Variants in PSD observed in about 807,000 individuals in gnomAD.
The protein encoded by PSD is PH and SEC7 domain-containing protein 1.
Under a neutral mutation model 91.6 loss-of-function variants are expected in PSD, and 32 were observed. That is an observed-to-expected ratio of 0.35 (90% CI 0.26 to 0.47). The LOEUF (loss-of-function observed/expected upper bound fraction) is 0.47. Among genes scored for constraint, PSD ranks in the 20% least tolerant of loss-of-function variants. The pLI, the probability that PSD is intolerant of heterozygous loss-of-function variation, is 1.00. For synonymous variants in PSD, 532 were observed against 569.3 expected, an observed-to-expected ratio of 0.93 and a Z score of 0.93; for missense variants, 1,099 against 1,373.9, an observed-to-expected ratio of 0.80 and a Z score of 3.16.
At position 102,414,250 on chromosome 10, in the gene PSD, C is replaced by G. The variant is rs1192892388; in HGVS notation, c.1125-53G>C. On this transcript the variant is annotated intron_variant, in intron 4 of 16. Transcript: ENST00000020673. The surrounding 1 kb of genome is among the most constrained non-coding windows in gnomAD (Gnocchi z 5.6). ...AGGGGCCCAGATCACAGGGCTGGGG[C>G]AGGATTTCACTGAACTCTCACACTG... 7.5e-6 allele frequency: 11 copies of G among 1,464,284 alleles called. No individual in the cohort carries two copies. Among genetic ancestry groups the G allele is most frequent in the Non-Finnish European group, 1.0e-5 (11 of 1,074,518 alleles). 90.7% of individuals were successfully genotyped at this position (1,464,284 alleles called of 1,614,324 possible).
At position 102,403,671 on chromosome 10, in the gene PSD, C is replaced by T. The variant is rs1392606179; in HGVS notation, c.2844+171G>A. On this transcript the variant is annotated intron_variant, in intron 16 of 16. Coordinates refer to ENST00000020673, the MANE Select transcript of PSD (RefSeq NM_002779.5). The surrounding 1 kb of genome is among the most constrained non-coding windows in gnomAD (Gnocchi z 6.7). Reference sequence around the variant, plus strand: ...GGCACGCTTGAGACATGCCTCACCTCGAGACCCCAGTGGATGTCAAATGTT... The same window carrying T: ...GGCACGCTTGAGACATGCCTCACCTTGAGACCCCAGTGGATGTCAAATGTT... Among the ~76,000 whole-genome samples the T allele has an allele frequency of 6.6e-6, 1 of 152,144 alleles. No homozygotes were observed. Among genetic ancestry groups the T allele is most frequent in the Admixed American group, 6.5e-5 (1 of 15,284 alleles).
At chr10:102,407,790 C>G (rs1418715618) in intron 10 of PSD, among the ~76,000 whole-genome samples, 2 of 152,172 alleles carry the variant, frequency 1.3e-5, no homozygotes, top group African/African-American at 4.8e-5. Context: ...AATACACTAT[C>G]ATGGCTCCCA....
rs1452383198 is a variant in PSD at position 102,405,068 on chromosome 10, C to G, written c.2398-13G>C. ...GCTTGTACTCCTCCTGCAGGGGTGT[C>G]CATCTTGTCCTGGCCCCAAATGCAG... On this transcript the variant is annotated splice_polypyrimidine_tract_variant and intron_variant, in intron 13 of 16. Transcript: ENST00000020673. The surrounding 1 kb of genome is among the most constrained non-coding windows in gnomAD (Gnocchi z 5.4). 4 of 1,613,202 alleles carry G rather than the reference C, an allele frequency of 2.5e-6. No individual in the cohort carries two copies. The highest frequency in any genetic ancestry group is 3.4e-6 in the Non-Finnish European group (4 of 1,179,556).
chr10:102,415,207 G>T lies in PSD; in HGVS notation c.780C>A (p.Ala260=). The change falls in exon 4 of 17, where the codon GCC becomes GCA. Residue 260 remains alanine (A), a synonymous_variant. Coordinates refer to ENST00000020673, the MANE Select transcript of PSD (RefSeq NM_002779.5). ...PSSGAKPPEQ[A]PPSPPGVGSR... ...AGCCCACCCCAGGTGGAGATGGGGGGGCCTGCTCTGGGGGCTTAGCACCTG... is the reference window on the plus strand; with the variant it reads ...AGCCCACCCCAGGTGGAGATGGGGGTGCCTGCTCTGGGGGCTTAGCACCTG... The T allele has an allele frequency of 6.2e-7, 1 of 1,610,708 alleles. No individual in the cohort carries two copies.
At position 102,409,063 on chromosome 10, in the gene PSD, G is replaced by T. The variant is rs2061397031; in HGVS notation, c.2091+1795C>A. The T allele has an allele frequency of 3.0e-6, 3 of 985,666 alleles. No individual in the cohort carries two copies. Among genetic ancestry groups the T allele is most frequent in the Non-Finnish European group, 3.6e-6 (3 of 829,886 alleles). 61.1% of individuals were successfully genotyped at this position (985,666 alleles called of 1,614,324 possible). ...GCGAGCGCGAGCGCAGCCGCCCGGC[G>T]CTGCTGTGGATGCTGTTGACGCCGA... On this transcript the variant is annotated intron_variant, in intron 10 of 16. Coordinates refer to ENST00000020673, the MANE Select transcript of PSD (RefSeq NM_002779.5). The surrounding 1 kb of genome is among the most constrained non-coding windows in gnomAD (Gnocchi z 5.7).
In PSD at chr10:102,409,409, G is replaced by A; in HGVS notation, c.2091+1449C>T. ...CCGCGCGGCCACGGGGAGGAGCCTG[G>A]GGAGGCCAGCGTGGGTGGCAGCTCC... is the stretch of plus-strand genomic sequence containing the variant. On this transcript the variant is annotated intron_variant, in intron 10 of 16. Coordinates refer to ENST00000020673, the MANE Select transcript of PSD (RefSeq NM_002779.5). This position sits in a 1 kb window ranked among gnomAD's most constrained non-coding sequence, Gnocchi z 5.7. 1.0e-6 allele frequency: 1 copy of A among 960,812 alleles called. No homozygotes were observed. Among genetic ancestry groups the A allele is most frequent in the South Asian group, 4.8e-5 (1 of 20,864 alleles). The allele number at this position is 960,812 out of a possible 1,614,324, so 59.5% of individuals were successfully genotyped here.
rs1291615679 is a variant in PSD at position 102,417,065 on chromosome 10, G to T, written c.-27C>A. ...CTGGGGCCGGGGGTCAGGCTGGGGGGGCAGGGATGGCGAGGCCAGGCGGGG... is the reference window on the plus strand; with the variant it reads ...CTGGGGCCGGGGGTCAGGCTGGGGGTGCAGGGATGGCGAGGCCAGGCGGGG... On this transcript the variant is annotated 5_prime_UTR_variant, in exon 2 of 17. Transcript: ENST00000020673. 1.4e-6 allele frequency: 2 copies of T among 1,447,128 alleles called. No homozygotes were observed. Among genetic ancestry groups the T allele is most frequent in the Non-Finnish European group, 9.3e-7 (1 of 1,073,184 alleles). 89.6% of individuals were successfully genotyped at this position (1,447,128 alleles called of 1,614,324 possible).
Position 102,403,413 on chromosome 10 carries a change from G to A in PSD, c.2862C>T (p.Thr954=). The part of the protein sequence containing the change: ...YLEFEKSRYS[T]YAALLRVKLK... ...GCTTGACCCGAAGCAGCGCTGCATA[G>A]GTGCTGTAGCGGGATTTCTGAGGCA... Residue 954 remains threonine, a synonymous_variant, in exon 17 of 17, where the codon ACC becomes ACT. Transcript: ENST00000020673. The surrounding 1 kb of genome is among the most constrained non-coding windows in gnomAD (Gnocchi z 6.7). The A allele has an allele frequency of 1.9e-6, 3 of 1,610,524 alleles. No individual in the cohort carries two copies. The highest frequency in any genetic ancestry group is 2.5e-6 in the Non-Finnish European group (3 of 1,178,882).
At chr10:102,407,949 G>T (rs2061380684) in intron 10 of PSD, among the ~76,000 whole-genome samples, 1 of 152,166 alleles carries the variant, frequency 6.6e-6, no homozygotes, top group Non-Finnish European at 1.5e-5. Flanking sequence ...TCCAATCCCT[G>T]CATAGCCCAA....
Position 102,411,051 on chromosome 10 carries a change from C to T in PSD, c.2001+7G>A. On this transcript the variant is annotated splice_region_variant and intron_variant, in intron 9 of 16. Transcript: ENST00000020673. ...TTTCCGGCTCCTGCCCGCCCGCCTC[C>T]ACTCACATGGCCGTGGAGATCCGTG... 6.2e-7 allele frequency: 1 copy of T among 1,613,114 alleles called. No homozygotes were observed. Among genetic ancestry groups the T allele is most frequent in the South Asian group, 1.1e-5 (1 of 91,056 alleles).
In PSD at chr10:102,416,551, C is replaced by A. The variant is rs757741694; in HGVS notation, c.488G>T (p.Gly163Val). The A allele has an allele frequency of 2.5e-6, 4 of 1,606,806 alleles. No homozygotes were observed. The Admixed American group carries it at 6.8e-5, about 27-fold the overall frequency. Reference sequence around the variant, plus strand: ...CCGGCTGCCAGGTAGGGCCGAGCCTCCTCTGGCGGGGAGTGGGTCTGATGT... The same window carrying A: ...CCGGCTGCCAGGTAGGGCCGAGCCTACTCTGGCGGGGAGTGGGTCTGATGT... ...ASTSDPLPAR[G>V]GSALPGSRNL... Residue 163 changes from glycine to valine, a missense_variant, in exon 2 of 17, where the codon GGA becomes GTA. By Grantham distance (109) the Gly-to-Val change is moderately radical. Around this residue, in one of 3 missense-constraint regions of PSD, gnomAD observed 631 missense variants for 728.8 expected, o/e 0.87. Coordinates refer to ENST00000020673, the MANE Select transcript of PSD (RefSeq NM_002779.5). This position sits in a 1 kb window ranked among gnomAD's most constrained non-coding sequence, Gnocchi z 6.0.
chr10:102,404,700 G>A lies in PSD; in HGVS notation c.2583C>T (p.Ile861=). The A allele has an allele frequency of 6.3e-7, 1 of 1,588,706 alleles. No homozygotes were observed. The highest frequency in any genetic ancestry group is 1.1e-5 in the South Asian group (1 of 87,618). ...TAGCGGCTACTACATTGATGCGAGT[G>A]ATCCAGGACTGCATCTGCTCCAGGC... is the stretch of plus-strand genomic sequence containing the variant. ...APSLEQMQSW[I]TRINVVAAMF... is the part of the protein sequence containing the mutation. Residue 861 remains isoleucine (I), a synonymous_variant, in exon 15 of 17, where the codon ATC becomes ATT. Transcript: ENST00000020673. The surrounding 1 kb of genome is among the most constrained non-coding windows in gnomAD (Gnocchi z 5.7).
Position 102,403,795 on chromosome 10 carries a change from A to C in PSD, c.2844+47T>G, listed in dbSNP as rs772623774. ...TGTTAGAGTTCATGCCCTTCACCCTAGTATGGGCCTGCGTGTGTGGACAGA... is the reference window on the plus strand; with the variant it reads ...TGTTAGAGTTCATGCCCTTCACCCTCGTATGGGCCTGCGTGTGTGGACAGA... On this transcript the variant is annotated intron_variant, in intron 16 of 16. Transcript: ENST00000020673. The surrounding 1 kb of genome is among the most constrained non-coding windows in gnomAD (Gnocchi z 6.7). The C allele has an allele frequency of 6.3e-7, 1 of 1,579,238 alleles. No individual in the cohort carries two copies. Among genetic ancestry groups the C allele is most frequent in the African/African-American group, 1.3e-5 (1 of 74,478 alleles).
At chr10:102,412,689 G>A in intron 5 of PSD, 114 bp from the exon 6 acceptor site, 1 of 881,340 alleles carries the variant, frequency 1.1e-6, no homozygotes, top group East Asian at 2.7e-5. Flanking sequence ...GAGGGACATG[G>A]GGAAAGCATT....
chr10:102,409,055 C>T lies in PSD; in HGVS notation c.2092-1789G>A. 2.0e-6 allele frequency: 2 copies of T among 985,834 alleles called. No homozygotes were observed. The highest frequency in any genetic ancestry group is 2.4e-6 in the Non-Finnish European group (2 of 829,900). 61.1% of individuals were successfully genotyped at this position (985,834 alleles called of 1,614,324 possible). On this transcript the variant is annotated intron_variant, in intron 10 of 16. Transcript: ENST00000020673. This position sits in a 1 kb window ranked among gnomAD's most constrained non-coding sequence, Gnocchi z 5.7. ...GGAGCACAGCGAGCGCGAGCGCAGC[C>T]GCCCGGCGCTGCTGTGGATGCTGTT... is the stretch of plus-strand genomic sequence containing the variant.
Position 102,405,162 on chromosome 10 carries a change from C to G in PSD, c.2397+21G>C, listed in dbSNP as rs758363437. 1.2e-6 allele frequency: 2 copies of G among 1,610,532 alleles called. No homozygotes were observed. Among genetic ancestry groups the G allele is most frequent in the Non-Finnish European group, 1.7e-6 (2 of 1,179,650 alleles). On this transcript the variant is annotated intron_variant, in intron 13 of 16. Transcript: ENST00000020673. This position sits in a 1 kb window ranked among gnomAD's most constrained non-coding sequence, Gnocchi z 5.4. ...CCAGCCAACTCAGTCCCAGCCCCAG[C>G]CCCCTGGCCTGACCCCGCACCTTCT... is the stretch of plus-strand genomic sequence containing the variant.
Position 102,403,142 on chromosome 10 carries a change from G to C in PSD, c.*58C>G. The C allele has an allele frequency of 7.4e-7, 1 of 1,354,408 alleles. No homozygotes were observed. The highest frequency in any genetic ancestry group is 9.7e-7 in the Non-Finnish European group (1 of 1,025,782). 83.9% of individuals were successfully genotyped at this position (1,354,408 alleles called of 1,614,324 possible). A position where few individuals can be genotyped will look rare whatever the true frequency, so the allele number is the denominator to read the frequency against. ...GTGGCCCGAGGCCGGCCCGGGCTCA[G>C]GCAGGGCCATGTCATCCTTCAGGTG... is the stretch of plus-strand genomic sequence containing the variant. On this transcript the variant is annotated 3_prime_UTR_variant, in exon 17 of 17. Transcript: ENST00000020673. The surrounding 1 kb of genome is among the most constrained non-coding windows in gnomAD (Gnocchi z 6.7).
In PSD at chr10:102,405,923, G is replaced by T. The variant is rs2061355456; in HGVS notation, c.2136-387C>A. 1.0e-5 allele frequency: 2 copies of T among 199,682 alleles called. No homozygotes were observed. Among genetic ancestry groups the T allele is most frequent in the African/African-American group, 4.6e-5 (2 of 43,478 alleles). The allele number at this position is 199,682 out of a possible 1,614,324, so 12.4% of individuals were successfully genotyped here. A position where few individuals can be genotyped will look rare whatever the true frequency, so the allele number is the denominator to read the frequency against. On this transcript the variant is annotated intron_variant, in intron 11 of 16. Coordinates refer to ENST00000020673, the MANE Select transcript of PSD (RefSeq NM_002779.5). This position sits in a 1 kb window ranked among gnomAD's most constrained non-coding sequence, Gnocchi z 5.4. Reference sequence around the variant, plus strand: ...CTCACGGTTTGTGGGCTAAATGGTAGCAGATGGAAGAAGTAGTTTCCTAGT... The same window carrying T: ...CTCACGGTTTGTGGGCTAAATGGTATCAGATGGAAGAAGTAGTTTCCTAGT...
At chr10:102,415,984 C>T in intron 3 of PSD, 33 bp downstream of exon 3, 1 of 1,552,332 alleles carries the variant, frequency 6.4e-7, no homozygotes, top group Non-Finnish European at 8.8e-7. Context: ...GAAGGCCCTG[C>T]CCTGTTCTCC....
Sources: gnomAD v4.1 joint callset for allele counts (sites outside exome capture counted in the v4.1 genomes callset) on GRCh38, gnomAD v4.1.1 for gene constraint, gnomAD v4.1.1 regional missense constraint, Gnocchi (gnomAD v3.1) non-coding constraint, MANE v1.5 for transcripts, NCBI Gene and HGNC (gene_info 2026-07-23, HGNC 2026-07-21) for gene names.